TRIM9: variants seen among roughly 807,000 people sequenced by gnomAD.
TRIM9 encodes the protein E3 ubiquitin-protein ligase TRIM9.
Under a neutral mutation model 78.3 loss-of-function variants are expected in TRIM9, and 26 were observed. The ratio of observed to expected loss-of-function variants is 0.33; its 90% CI spans 0.24 to 0.46. The LOEUF (loss-of-function observed/expected upper bound fraction) is 0.46. Ranked by LOEUF, TRIM9 falls within the 20% of genes least tolerant of loss-of-function variation. The pLI, the probability that TRIM9 is intolerant of heterozygous loss-of-function variation, is 1.00. For synonymous variants in TRIM9, 398 were observed against 416.5 expected (o/e 0.96, Z 0.54); for missense variants, 787 against 1,036.4 (o/e 0.76, Z 3.30).
At chr14:51,009,987 C>A (rs78397140) in intron 4 of TRIM9, among the ~76,000 whole-genome samples, 1 of 152,126 alleles carries the variant, frequency 6.6e-6, no homozygotes. Context: ...ATCTTACAAA[C>A]TTAGACACTT....
intron 1 of TRIM9, among the ~76,000 whole-genome samples, chr14:51,078,613 A>G (rs1216275594): frequency 6.6e-6 from 1 of 152,222 alleles, no homozygotes; most frequent in African/African-American, 2.4e-5. Flanking sequence ...CAGACACAGA[A>G]AGAAAAATAT....
intron 1 of TRIM9, among the ~76,000 whole-genome samples, chr14:51,043,281 G>T (rs1460423167): frequency 6.6e-6 from 1 of 152,196 alleles, no homozygotes; most frequent in Non-Finnish European, 1.5e-5. Flanking sequence ...AGCTCAGAGT[G>T]TATAGACTCT....
At chr14:51,082,650 G>A (rs1389000103) in intron 1 of TRIM9, among the ~76,000 whole-genome samples, 2 of 152,078 alleles carry the variant, frequency 1.3e-5, no homozygotes, top group Non-Finnish European at 2.9e-5. Context: ...TTTCTTTTTG[G>A]GATGATAAAA....
chr14:51,093,311 G>A (rs2999394), intron 1 of TRIM9, among the ~76,000 whole-genome samples: 86,413 of 152,102 alleles, frequency 0.57, 24,860 homozygotes, highest in South Asian at 0.62. Flanking sequence ...ACTGAAAGAG[G>A]AAAGGGCTTG....
Position 50,976,366 on chromosome 14 carries a change from C to T in TRIM9, c.*925G>A, listed in dbSNP as rs2139242195. On this transcript the variant is annotated 3_prime_UTR_variant, in exon 13 of 13. Transcript: ENST00000684578. The stretch of plus-strand genomic sequence containing the variant: ...AGTCTCTTTGACCCTTGCCCATTTC[C>T]TTTCTAGTACATATGACCATTTATA... 2 of 152,304 alleles carry T rather than the reference C, an allele frequency of 1.3e-5. 1 individual carries two copies. The highest frequency in any genetic ancestry group is 4.2e-4 in the South Asian group (2 of 4,818). The allele number at this position is 152,304 out of a possible 1,614,324, so 9.4% of individuals were successfully genotyped here. A position where few individuals can be genotyped will look rare whatever the true frequency, so the allele number is the denominator to read the frequency against.
At chr14:51,075,193 A>G (rs968047126) in intron 1 of TRIM9, among the ~76,000 whole-genome samples, 6 of 152,148 alleles carry the variant, frequency 3.9e-5, no homozygotes, top group Non-Finnish European at 8.8e-5. Context: ...ACAGGATCCA[A>G]ATAGGGACCT....
Position 50,976,947 on chromosome 14 carries a change from A to G in TRIM9, c.*344T>C, listed in dbSNP as rs2139245827. 1 of 175,502 alleles carries G rather than the reference A, an allele frequency of 5.7e-6. No homozygotes were observed. Among genetic ancestry groups the G allele is most frequent in the Non-Finnish European group, 1.2e-5 (1 of 83,368 alleles). 10.9% of individuals were successfully genotyped at this position (175,502 alleles called of 1,614,324 possible). A position where few individuals can be genotyped will look rare whatever the true frequency, so the allele number is the denominator to read the frequency against. Reference sequence around the variant, plus strand: ...GCGGTGCCAGTCCAGTAAGTCACCAATAACCTGATCAGAAAAGAAAGAAAA... The same window carrying G: ...GCGGTGCCAGTCCAGTAAGTCACCAGTAACCTGATCAGAAAAGAAAGAAAA... On this transcript the variant is annotated 3_prime_UTR_variant, in exon 13 of 13. Transcript: ENST00000684578.
intron 1 of TRIM9, among the ~76,000 whole-genome samples, chr14:51,087,452 T>C (rs2063867520): frequency 6.6e-6 from 1 of 152,236 alleles, no homozygotes; most frequent in African/African-American, 2.4e-5. Context: ...CTTAGGTTTC[T>C]TGGGTAATCT....
intron 5 of TRIM9, among the ~76,000 whole-genome samples, chr14:51,003,178 T>A (rs1001681259): frequency 2.0e-5 from 3 of 152,252 alleles, no homozygotes; most frequent in Non-Finnish European, 4.4e-5. Flanking sequence ...ACTTTCCTTT[T>A]TATTTTAAAT....
At chr14:51,020,269 G>A (rs2057624402) in intron 3 of TRIM9, among the ~76,000 whole-genome samples, 1 of 152,224 alleles carries the variant, frequency 6.6e-6, no homozygotes, top group Admixed American at 6.5e-5. Context: ...GGCAGGGGGA[G>A]AGGAGAGCGA....
chr14:50,999,914 T>TA (rs1327558224), intron 6 of TRIM9, among the ~76,000 whole-genome samples: 1 of 152,156 alleles, frequency 6.6e-6, no homozygotes, highest in African/African-American at 2.4e-5. Flanking sequence ...AATCTGGTGG[T>TA]ACCACAGCTG....
intron 1 of TRIM9, among the ~76,000 whole-genome samples, chr14:51,085,036 A>G (rs1200575563): frequency 1.3e-5 from 2 of 152,204 alleles, no homozygotes; most frequent in Non-Finnish European, 1.5e-5. Context: ...CTTTGTTCAG[A>G]GACTAATAAT....
chr14:51,094,477 T>C lies in TRIM9; in HGVS notation c.463A>G (p.Ile155Val), dbSNP rs2064746441. The change falls in exon 1 of 13, where the codon ATT (isoleucine) becomes GTT (valine). Residue 155 changes from isoleucine to valine, a missense_variant. Physicochemically the swap from Ile to Val is conservative, Grantham distance 29. This residue lies in a region of TRIM9 where 352 missense variants were observed against 472.3 expected (regional missense o/e 0.75). Transcript: ENST00000684578. ...GCTTTGCTCTGCTGGTAGCGGTCAATTACCCCTTCCAGTACGCGATTCTTG... is the reference window on the plus strand; with the variant it reads ...GCTTTGCTCTGCTGGTAGCGGTCAACTACCCCTTCCAGTACGCGATTCTTG... ...FPKNRVLEGV[I>V]DRYQQSKAAA... The C allele has an allele frequency of 1.2e-6, 2 of 1,613,646 alleles. No homozygotes were observed. Among genetic ancestry groups the C allele is most frequent in the Non-Finnish European group, 1.7e-6 (2 of 1,179,956 alleles).
chr14:51,028,252 T>TAA (rs11455211), intron 1 of TRIM9, among the ~76,000 whole-genome samples: 41 of 151,984 alleles, frequency 2.7e-4, no homozygotes, highest in African/African-American at 9.2e-4. Context: ...TGGTATTTGA[T>TAA]AAAAAATTGC....
In TRIM9 at chr14:51,040,349, T is replaced by C. The variant is rs543304142; in HGVS notation, c.823-14989A>G. On this transcript the variant is annotated intron_variant, in intron 1 of 12. Transcript: ENST00000684578. ...TTGCTGAAGACTCTACCATCTCTCATGCCCTTCTCCTCTGGCTATGTTGTC... is the reference window on the plus strand; with the variant it reads ...TTGCTGAAGACTCTACCATCTCTCACGCCCTTCTCCTCTGGCTATGTTGTC... 1.4e-3 allele frequency among the ~76,000 whole-genome samples: 216 copies of C among 152,304 alleles called. 5 individuals carry two copies. The Middle Eastern group carries it at 0.024, about 17-fold the overall frequency.
chr14:50,990,192 T>C (rs923868883), intron 7 of TRIM9, among the ~76,000 whole-genome samples: 1 of 152,048 alleles, frequency 6.6e-6, no homozygotes, highest in Admixed American at 6.6e-5. Flanking sequence ...CAATTTTAAT[T>C]TTTTCTGTAG....
chr14:51,047,171 C>G (rs1326682388), intron 1 of TRIM9, among the ~76,000 whole-genome samples: 2 of 152,190 alleles, frequency 1.3e-5, no homozygotes, highest in South Asian at 2.1e-4. Flanking sequence ...CTTTAAGTCT[C>G]TGGGCCTTTT....
chr14:50,982,910 C>T, intron 10 of TRIM9, 32 bp downstream of exon 10: 2 of 1,539,616 alleles, frequency 1.3e-6, no homozygotes, highest in Non-Finnish European at 1.8e-6. Flanking sequence ...TTGGTCTTTG[C>T]TATTTGGTAA....
At chr14:51,044,611 T>G (rs2059807391) in intron 1 of TRIM9, among the ~76,000 whole-genome samples, 2 of 152,158 alleles carry the variant, frequency 1.3e-5, no homozygotes. Flanking sequence ...GAATGGAAAC[T>G]TCAGGCCAAG....
Sources: gnomAD v4.1 joint callset for allele counts (sites outside exome capture counted in the v4.1 genomes callset) on GRCh38, gnomAD v4.1.1 for gene constraint, gnomAD v4.1.1 regional missense constraint, MANE v1.5 for transcripts, NCBI Gene and HGNC (gene_info 2026-07-23, HGNC 2026-07-21) for gene names.